The following WNT10A variants were observed in gnomAD, a reference collection of about 807,000 sequenced individuals.
The protein encoded by WNT10A is protein Wnt-10a.
WNT10A carries 37 observed loss-of-function variants against 36.1 expected under a neutral mutation model. The observed-to-expected ratio is 1.02, with a 90% CI of 0.79 to 1.35. The LOEUF is 1.35. Ranked by LOEUF, WNT10A falls within the 40% of genes most tolerant of loss-of-function variation. The pLI is 0.00. For synonymous variants in WNT10A, 255 were observed against 254.1 expected (o/e 1.00, Z -0.03); for missense variants, 613 against 601.4 (o/e 1.02, Z -0.20).
chr2:218,882,054 G>A (rs1044935277), intron 1 of WNT10A, 107 bp from the exon 2 acceptor site: 1 of 1,442,824 alleles, frequency 6.9e-7, no homozygotes, highest in African/African-American at 1.4e-5. Context: ...AGAAGCAGAG[G>A]TTGGAAGAGG....
At chr2:218,885,978 T>G (rs1471925930) in intron 2 of WNT10A, among the ~76,000 whole-genome samples, 1 of 152,216 alleles carries the variant, frequency 6.6e-6, no homozygotes, top group Non-Finnish European at 1.5e-5. Flanking sequence ...TTATTATTAT[T>G]GTACAAATGA....
At position 218,893,153 on chromosome 2, in the gene WNT10A, G is replaced by A; in HGVS notation, c.1136G>A (p.Arg379His). 6.3e-7 allele frequency: 1 copy of A among 1,589,908 alleles called. No homozygotes were observed. Among genetic ancestry groups the A allele is most frequent in the Non-Finnish European group, 8.5e-7 (1 of 1,175,558 alleles). Residue 379 changes from arginine (R) to histidine (H), a missense_variant, in exon 4 of 4, where the codon CGC becomes CAC. Transcript: ENST00000258411. This position sits in a 1 kb window ranked among gnomAD's most constrained non-coding sequence, Gnocchi z 6.3. ...GGCTGCGGCAGCATGTGCTGCGGCC[G>A]CGGCCACAACATCCTGCGCCAGACG... Reference protein sequence around the residue: ...SDGCGSMCCGRGHNILRQTRS... With the variant: ...SDGCGSMCCGHGHNILRQTRS...
rs187451774 is a variant in WNT10A, at chr2:218,882,058, G to A, written c.114-103G>A. On this transcript the variant is annotated intron_variant, in intron 1 of 3. Coordinates refer to ENST00000258411, the MANE Select transcript of WNT10A (RefSeq NM_025216.3). ...GCCCAACCTTCAGAAGCAGAGGTTGGAAGAGGGAGTGATTATGGCCGTTGG... is the reference window on the plus strand; with the variant it reads ...GCCCAACCTTCAGAAGCAGAGGTTGAAAGAGGGAGTGATTATGGCCGTTGG... 4.8e-6 allele frequency: 7 copies of A among 1,466,148 alleles called. No homozygotes were observed. The East Asian group carries it at 1.7e-4, about 35-fold the overall frequency. The allele number at this position is 1,466,148 out of a possible 1,614,324, so 90.8% of individuals were successfully genotyped here. A position where few individuals can be genotyped will look rare whatever the true frequency, so the allele number is the denominator to read the frequency against.
At chr2:218,889,947 C>T (rs757197035) in intron 2 of WNT10A, 37 bp from the exon 3 acceptor site, 3 of 1,611,128 alleles carry the variant, frequency 1.9e-6, no homozygotes, top group Admixed American at 3.3e-5. Flanking sequence ...TGTCAAGGCC[C>T]CTCCAGAGTC....
chr2:218,887,877 A>C lies in WNT10A; in HGVS notation c.377-2107A>C, dbSNP rs138611814. Among the ~76,000 whole-genome samples the C allele has an allele frequency of 9.8e-5, 15 of 152,358 alleles. No homozygotes were observed. In the East Asian group the frequency reaches 2.7e-3, roughly 27 times the overall value. On this transcript the variant is annotated intron_variant, in intron 2 of 3. Transcript: ENST00000258411. The stretch of plus-strand genomic sequence containing the variant: ...TCATTTAATTCTTGGAACAACAATG[A>C]GGCAGATAATAGCTCTATTTTATAG...
At chr2:218,875,159 C>CTTTTTTT in the WNT10A span, among the ~76,000 whole-genome samples, 148 of 36,864 alleles carry the variant, frequency 4.0e-3, 62 homozygotes, top group Non-Finnish European at 7.3e-3. Context: ...GACTGACTTT[C>CTTTTTTT]TTTTTTTTTT....
chr2:218,881,258 T>C, intron 1 of WNT10A, 150 bp downstream of exon 1: 1 of 1,196,728 alleles, frequency 8.4e-7, no homozygotes, highest in Non-Finnish European at 1.2e-6. Flanking sequence ...GGCAGTGAGC[T>C]CCCTCATAGG....
upstream of WNT10A, among the ~76,000 whole-genome samples, chr2:218,879,937 A>T (rs1344726390): frequency 6.6e-6 from 1 of 152,112 alleles, no homozygotes; most frequent in Non-Finnish European, 1.5e-5. Flanking sequence ...GGGGCCTGAC[A>T]CTGCTGCCTC....
In WNT10A at chr2:218,888,194, C is replaced by G. The variant is rs188468582; in HGVS notation, c.377-1790C>G. 2.0e-5 allele frequency among the ~76,000 whole-genome samples: 3 copies of G among 152,374 alleles called. No homozygotes were observed. In the South Asian group the frequency reaches 6.2e-4, roughly 32 times the overall value. On this transcript the variant is annotated intron_variant, in intron 2 of 3. Coordinates refer to ENST00000258411, the MANE Select transcript of WNT10A (RefSeq NM_025216.3). ...TCTGGCTTCTCTTGCTGCCTGCCCCCTCTCTGGTGTGCGGAGGCTGGTTGG... is the reference window on the plus strand; with the variant it reads ...TCTGGCTTCTCTTGCTGCCTGCCCCGTCTCTGGTGTGCGGAGGCTGGTTGG...
upstream of WNT10A, among the ~76,000 whole-genome samples, chr2:218,878,849 C>T (rs1347660303): frequency 6.6e-6 from 1 of 152,214 alleles, no homozygotes; most frequent in Non-Finnish European, 1.5e-5. This position sits in a 1 kb window ranked among gnomAD's most constrained non-coding sequence, Gnocchi z 4.1. Flanking sequence ...CTGGTGTCCT[C>T]TCTCATCCTG....
upstream of WNT10A, among the ~76,000 whole-genome samples, chr2:218,879,681 T>A (rs1397330287): frequency 1.3e-5 from 2 of 152,178 alleles, no homozygotes; most frequent in Non-Finnish European, 2.9e-5. Flanking sequence ...TGAGAGTATC[T>A]GCGGGCACAG....
the WNT10A span, among the ~76,000 whole-genome samples, chr2:218,875,433 G>A: frequency 2.6e-5 from 4 of 151,854 alleles, no homozygotes; most frequent in South Asian, 2.1e-4. Context: ...CTCGTGATCC[G>A]CCTGCCTTGG....
chr2:218,881,166 G>A (rs1944508846), intron 1 of WNT10A, 58 bp downstream of exon 1: 1 of 1,551,060 alleles, frequency 6.4e-7, no homozygotes, highest in Non-Finnish European at 8.7e-7. Flanking sequence ...GCCTGCAGGG[G>A]CCTCTGATGC....
At position 218,893,306 on chromosome 2, in the gene WNT10A, C is replaced by T. The variant is rs747500221; in HGVS notation, c.*35C>T. 2.8e-5 allele frequency: 43 copies of T among 1,531,492 alleles called. No homozygotes were observed. Among genetic ancestry groups the T allele is most frequent in the African/African-American group, 2.2e-4 (16 of 73,112 alleles). 94.9% of individuals were successfully genotyped at this position (1,531,492 alleles called of 1,614,324 possible). A position where few individuals can be genotyped will look rare whatever the true frequency, so the allele number is the denominator to read the frequency against. Reference sequence around the variant, plus strand: ...GGTCCCCTGGGCCCTGATCGAGGTCCCCTCCTGGAGCCTGGCCCTCTGAGG... The same window carrying T: ...GGTCCCCTGGGCCCTGATCGAGGTCTCCTCCTGGAGCCTGGCCCTCTGAGG... On this transcript the variant is annotated 3_prime_UTR_variant, in exon 4 of 4. Coordinates refer to ENST00000258411, the MANE Select transcript of WNT10A (RefSeq NM_025216.3). This position sits in a 1 kb window ranked among gnomAD's most constrained non-coding sequence, Gnocchi z 6.3.
At chr2:218,879,124 G>A (rs1944480725), upstream of WNT10A, among the ~76,000 whole-genome samples, 1 of 118,280 alleles carries the variant, frequency 8.5e-6, no homozygotes, top group Non-Finnish European at 1.6e-5. Flanking sequence ...ATTCCTGACA[G>A]CTGCGGTGGC....
chr2:218,874,711 T>TC, the WNT10A span, among the ~76,000 whole-genome samples: 1 of 152,056 alleles, frequency 6.6e-6, no homozygotes, highest in African/African-American at 2.4e-5. Context: ...GGGGAATGAC[T>TC]CCCCCATCAA....
At chr2:218,881,133 C>T (rs1487141946) in intron 1 of WNT10A, 25 bp downstream of exon 1, 2 of 1,571,038 alleles carry the variant, frequency 1.3e-6, no homozygotes, top group Non-Finnish European at 1.7e-6. Flanking sequence ...CATGCTCCGC[C>T]CTCCTAGAGA....
intron 2 of WNT10A, among the ~76,000 whole-genome samples, chr2:218,889,723 A>G (rs1003645520): frequency 6.6e-6 from 1 of 152,216 alleles, no homozygotes; most frequent in African/African-American, 2.4e-5. Flanking sequence ...TGAGTTTGCT[A>G]AAGGTGATGT....
In WNT10A at chr2:218,890,277, T is replaced by C. The variant is rs749857233; in HGVS notation, c.670T>C (p.Phe224Leu). Residue 224 changes from phenylalanine to leucine, a missense_variant, in exon 3 of 4, where the codon TTT becomes CTT. Phe to Leu is a conservative substitution (Grantham distance 22). Transcript: ENST00000258411. Reference sequence around the variant, plus strand: ...CCCCGACATGGGCTTCGGGGAGCGCTTTTCTAAGGACTTTCTGGACTCCCG... The same window carrying C: ...CCCCGACATGGGCTTCGGGGAGCGCCTTTCTAAGGACTTTCTGGACTCCCG... ...CSPDMGFGER[F>L]SKDFLDSREP... 5.0e-6 allele frequency: 8 copies of C among 1,610,280 alleles called. No homozygotes were observed. The African/African-American group carries it at 9.3e-5, about 19-fold the overall frequency.
Sources: allele counts gnomAD v4.1 joint callset (sites outside exome capture counted in the v4.1 genomes callset), GRCh38; gene constraint gnomAD v4.1.1; non-coding constraint Gnocchi (gnomAD v3.1); transcripts MANE v1.5; gene names NCBI Gene and HGNC (gene_info 2026-07-23, HGNC 2026-07-21).